The following HMBOX1 variants were observed in gnomAD, a reference collection of about 807,000 sequenced individuals.
HMBOX1 encodes the protein homeobox containing 1.
A neutral mutation model predicts 54.5 loss-of-function variants in HMBOX1; 14 were observed. The ratio of observed to expected loss-of-function variants is 0.26; its 90% CI spans 0.17 to 0.40. The LOEUF is 0.40. Ranked by LOEUF, HMBOX1 falls within the 10% of genes least tolerant of loss-of-function variation. The pLI is 1.00. For missense variants in HMBOX1, 332 were observed against 514.4 expected, an observed-to-expected ratio of 0.65 and a Z score of 3.43; for synonymous variants, 160 against 181.0, an observed-to-expected ratio of 0.88 and a Z score of 0.93.
In HMBOX1 at chr8:29,051,308, G is replaced by A; in HGVS notation, c.*153G>A. 2.6e-6 allele frequency: 2 copies of A among 772,554 alleles called. No individual in the cohort carries two copies. Among genetic ancestry groups the A allele is most frequent in the African/African-American group, 1.7e-5 (1 of 57,598 alleles). 47.9% of individuals were successfully genotyped at this position (772,554 alleles called of 1,614,324 possible). A position where few individuals can be genotyped will look rare whatever the true frequency, so the allele number is the denominator to read the frequency against. On this transcript the variant is annotated 3_prime_UTR_variant, in exon 10 of 10. Coordinates refer to ENST00000287701, the MANE Select transcript of HMBOX1 (RefSeq NM_001135726.3). ...TCTTGTTCTGTGAAGATGGCATGGTGCCCTCAGCCTTTGCATATACTCTCT... is the reference window on the plus strand; with the variant it reads ...TCTTGTTCTGTGAAGATGGCATGGTACCCTCAGCCTTTGCATATACTCTCT...
intron 1 of HMBOX1, among the ~76,000 whole-genome samples, chr8:28,962,800 T>C (rs1034883510): frequency 8.5e-5 from 13 of 152,184 alleles, no homozygotes; most frequent in Non-Finnish European, 2.9e-5. Context: ...GTTGTATTTT[T>C]GGTCTTTTTT....
At chr8:28,996,816 T>C (rs1484733222) in intron 4 of HMBOX1, among the ~76,000 whole-genome samples, 1 of 152,250 alleles carries the variant, frequency 6.6e-6, no homozygotes, top group East Asian at 1.9e-4. Flanking sequence ...ATTATATTAA[T>C]GTGGATATCC....
At chr8:29,022,370 A>T (rs956536998) in intron 6 of HMBOX1, among the ~76,000 whole-genome samples, 1 of 152,188 alleles carries the variant, frequency 6.6e-6, no homozygotes, top group African/African-American at 2.4e-5. Context: ...GTGAGCTATG[A>T]TCACACTACT....
intron 6 of HMBOX1, among the ~76,000 whole-genome samples, chr8:29,019,226 C>T (rs1800796192): frequency 6.6e-6 from 1 of 152,124 alleles, no homozygotes; most frequent in African/African-American, 2.4e-5. Context: ...TCTTTGAAGT[C>T]TTCTTTTCAT....
At chr8:28,921,909 C>T (rs1202039268) in intron 1 of HMBOX1, among the ~76,000 whole-genome samples, 2 of 152,026 alleles carry the variant, frequency 1.3e-5, no homozygotes, top group Non-Finnish European at 2.9e-5. Context: ...ATGAATTATG[C>T]TAAATCAACA....
chr8:28,891,358 A>G (rs374971882), intron 1 of HMBOX1: 1 of 152,256 alleles, frequency 6.6e-6, no homozygotes, highest in Non-Finnish European at 1.5e-5. Flanking sequence ...GATTTTTTGC[A>G]TCCTCAAGTC....
chr8:29,021,729 G>A (rs1298878725), intron 6 of HMBOX1, among the ~76,000 whole-genome samples: 2 of 151,672 alleles, frequency 1.3e-5, no homozygotes, highest in African/African-American at 2.4e-5. Flanking sequence ...GCGTGGTGGC[G>A]GGCACCTGTA....
At chr8:28,945,098 T>C (rs1344401059) in intron 1 of HMBOX1, among the ~76,000 whole-genome samples, 4 of 152,252 alleles carry the variant, frequency 2.6e-5, no homozygotes, top group African/African-American at 9.6e-5. Context: ...TGTGTGACTT[T>C]ACCGTCCTTA....
At chr8:29,031,513 T>C (rs192422637) in intron 6 of HMBOX1, among the ~76,000 whole-genome samples, 61 of 151,856 alleles carry the variant, frequency 4.0e-4, no homozygotes, top group African/African-American at 1.4e-3. Context: ...TTTAATAGTC[T>C]GTACATTTTT....
intron 5 of HMBOX1, 73 bp downstream of exon 5, chr8:29,009,255 GTGCTAACT>G: frequency 1.6e-6 from 2 of 1,255,058 alleles, no homozygotes; most frequent in Non-Finnish European, 2.3e-6. Flanking sequence ...ATGACTCCAT[GTGCTAACT>G]TGTTCAGTAA....
intron 1 of HMBOX1, among the ~76,000 whole-genome samples, chr8:28,904,896 C>T (rs537814732): frequency 3.9e-5 from 6 of 152,236 alleles, no homozygotes; most frequent in African/African-American, 1.4e-4. Context: ...ACGATGGTCT[C>T]GATCTCCTGA....
chr8:29,044,973 A>G (rs1427539594), intron 6 of HMBOX1, among the ~76,000 whole-genome samples: 3 of 152,232 alleles, frequency 2.0e-5, no homozygotes, highest in African/African-American at 7.2e-5. Flanking sequence ...TAACTCTGTG[A>G]CTTGAATCAG....
chr8:28,918,620 G>A (rs537156212), intron 1 of HMBOX1, among the ~76,000 whole-genome samples: 10 of 152,288 alleles, frequency 6.6e-5, no homozygotes, highest in African/African-American at 2.4e-4. Context: ...CCTCTATAGG[G>A]TCTCTAATGA....
chr8:29,029,239 A>G (rs1228809556), intron 6 of HMBOX1, among the ~76,000 whole-genome samples: 2 of 152,208 alleles, frequency 1.3e-5, no homozygotes, highest in East Asian at 1.9e-4. Flanking sequence ...ATTATTTTGT[A>G]TAATGTTCCA....
intron 6 of HMBOX1, among the ~76,000 whole-genome samples, chr8:29,022,583 G>A (rs892351780): frequency 3.3e-5 from 5 of 152,156 alleles, no homozygotes; most frequent in African/African-American, 1.2e-4. Context: ...AACCCATGTA[G>A]TGGAGTACTA....
chr8:28,908,091 G>A (rs985475764), intron 1 of HMBOX1, among the ~76,000 whole-genome samples: 8 of 152,120 alleles, frequency 5.3e-5, no homozygotes, highest in African/African-American at 1.2e-4. Flanking sequence ...GGCCTCAAGT[G>A]ATTTGCCTGC....
chr8:28,894,031 A>G lies in HMBOX1; in HGVS notation c.-58+3353A>G, dbSNP rs183388061. 1.4e-4 allele frequency among the ~76,000 whole-genome samples: 21 copies of G among 152,346 alleles called. No individual in the cohort carries two copies. The East Asian group carries it at 3.7e-3, about 27-fold the overall frequency. Reference sequence around the variant, plus strand: ...ACTTTTTAAATACATGAACATTTATAGATAAACCGAATAGTGCTCATTGAA... The same window carrying G: ...ACTTTTTAAATACATGAACATTTATGGATAAACCGAATAGTGCTCATTGAA... On this transcript the variant is annotated intron_variant, in intron 1 of 9. Transcript: ENST00000287701.
intron 4 of HMBOX1, among the ~76,000 whole-genome samples, chr8:29,005,684 C>T (rs1833349037): frequency 6.6e-6 from 1 of 152,180 alleles, no homozygotes; most frequent in Non-Finnish European, 1.5e-5. Context: ...AAGAGCAATG[C>T]TGGTCACCAC....
At chr8:29,032,096 A>T (rs571471039) in intron 6 of HMBOX1, among the ~76,000 whole-genome samples, 1 of 152,248 alleles carries the variant, frequency 6.6e-6, no homozygotes, top group South Asian at 2.1e-4. Context: ...TTACATTGCG[A>T]CATTTGCAAC....
Sources: gnomAD v4.1 joint callset for allele counts (sites outside exome capture counted in the v4.1 genomes callset) on GRCh38, gnomAD v4.1.1 for gene constraint, MANE v1.5 for transcripts, NCBI Gene and HGNC (gene_info 2026-07-23, HGNC 2026-07-21) for gene names.